SPG7: variants seen among roughly 807,000 people sequenced by gnomAD.
The protein encoded by SPG7 is SPG7 matrix AAA peptidase subunit, paraplegin.
In SPG7, 103 loss-of-function variants were observed where a neutral mutation model predicts 81.9. The ratio of observed to expected loss-of-function variants is 1.26; its 90% CI spans 1.07 to 1.48. The LOEUF is 1.48. Ranked by LOEUF, SPG7 falls within the 40% of genes most tolerant of loss-of-function variation. The pLI, the probability that SPG7 is intolerant of heterozygous loss-of-function variation, is 0.00. For missense variants in SPG7, 1,241 were observed against 1,087.3 expected (o/e 1.14, Z -1.99); for synonymous variants, 534 against 444.2 (o/e 1.20, Z -2.54).
intron 3 of SPG7, chr16:89,522,158 G>A (rs1281780326): frequency 1.3e-5 from 2 of 152,336 alleles, no homozygotes; most frequent in Admixed American, 6.5e-5. Context: ...TTAGATGCAC[G>A]ATTAGGATCG....
chr16:89,532,753 G>C (rs1439304369), intron 9 of SPG7, 117 bp downstream of exon 9: 16 of 1,262,660 alleles, frequency 1.3e-5, no homozygotes, highest in African/African-American at 1.5e-5. Context: ...CTGGGTGACA[G>C]AGTGAGACTC....
intron 3 of SPG7, 75 bp downstream of exon 3, chr16:89,513,112 G>A (rs1381169027): frequency 5.2e-6 from 8 of 1,537,504 alleles, no homozygotes; most frequent in African/African-American, 4.1e-5. Context: ...TTTTAGCAAG[G>A]TGAAACCAGT....
At chr16:89,536,877 T>C (rs748252635) in intron 9 of SPG7, 10 of 1,613,856 alleles carry the variant, frequency 6.2e-6, no homozygotes, top group Non-Finnish European at 1.7e-6. Context: ...CAATGGAGGG[T>C]CATTCGCTCT....
chr16:89,547,055 G>A, intron 11 of SPG7: 1 of 399,062 alleles, frequency 2.5e-6, no homozygotes, highest in Non-Finnish European at 4.8e-6. Flanking sequence ...AGTCATGCCG[G>A]CGTTTCCCGT....
intron 10 of SPG7, chr16:89,546,308 C>T: frequency 1.2e-5 from 4 of 338,198 alleles, no homozygotes; most frequent in South Asian, 9.3e-5. Context: ...CTGCCCACTT[C>T]AGCCTCCCAA....
At chr16:89,511,570 G>A (rs1040875324) in intron 2 of SPG7, among the ~76,000 whole-genome samples, 5 of 152,208 alleles carry the variant, frequency 3.3e-5, no homozygotes, top group Admixed American at 1.3e-4. Context: ...GTCAGCTCAC[G>A]GGTGCCTGTG....
intron 12 of SPG7, chr16:89,549,485 C>T (rs547345015): frequency 1.2e-5 from 4 of 344,706 alleles, no homozygotes; most frequent in African/African-American, 4.3e-5. Context: ...ACAGCAAGAC[C>T]CCATCTCTTA....
intron 12 of SPG7, 93 bp from the exon 13 acceptor site, chr16:89,550,399 CTG>C: frequency 1.2e-6 from 1 of 848,648 alleles, no homozygotes; most frequent in Non-Finnish European, 2.0e-6. Context: ...TCTCGAACTC[CTG>C]TCCTCAGGTC....
chr16:89,526,249 C>T lies in SPG7; in HGVS notation c.619-80C>T. 3.2e-6 allele frequency: 5 copies of T among 1,541,936 alleles called. No individual in the cohort carries two copies. In the South Asian group the frequency reaches 4.5e-5, roughly 14 times the overall value. ...CTGAGGTTGTCATTACCATGAGTTC[C>T]AGGCGGGCTCTCTGTTGACTGTAGG... On this transcript the variant is annotated intron_variant, in intron 4 of 16. Transcript: ENST00000645818.
chr16:89,554,034 G>A (rs543350067), intron 15 of SPG7, 74 bp downstream of exon 15: 7 of 1,545,192 alleles, frequency 4.5e-6, no homozygotes, highest in Admixed American at 3.4e-5. Context: ...CCACACAAGG[G>A]TCGCCCACGG....
intron 13 of SPG7, chr16:89,552,714 C>T (rs760529448): frequency 5.0e-5 from 25 of 499,026 alleles, no homozygotes; most frequent in African/African-American, 2.1e-4. Flanking sequence ...TTCTACGGGC[C>T]TTGTCTTCTT....
intron 10 of SPG7, 53 bp from the exon 11 acceptor site, chr16:89,546,605 G>A: frequency 8.2e-7 from 1 of 1,218,920 alleles, no homozygotes; most frequent in Middle Eastern, 1.9e-4. Context: ...TGCCGCACCT[G>A]TGGCAGTAAC....
chr16:89,532,195 C>T lies in SPG7; in HGVS notation c.1150+129C>T, dbSNP rs140156492. ...GGGGAGTAGAGAAGGAAAGCGAGGTCTGGGTTGGCGGAGGGGTTTTGTCTG... is the reference window on the plus strand; with the variant it reads ...GGGGAGTAGAGAAGGAAAGCGAGGTTTGGGTTGGCGGAGGGGTTTTGTCTG... On this transcript the variant is annotated intron_variant, in intron 8 of 16. Coordinates refer to ENST00000645818, the MANE Select transcript of SPG7 (RefSeq NM_003119.4). The T allele has an allele frequency of 2.9e-4, 316 of 1,101,068 alleles. No homozygotes were observed. The African/African-American group carries it at 4.4e-3, about 15-fold the overall frequency. The allele number at this position is 1,101,068 out of a possible 1,614,324, so 68.2% of individuals were successfully genotyped here.
At chr16:89,550,453 G>A (rs748963486) in intron 12 of SPG7, 41 bp from the exon 13 acceptor site, 87 of 1,446,330 alleles carry the variant, frequency 6.0e-5, no homozygotes, top group Middle Eastern at 5.3e-4. Context: ...GATTACAGGC[G>A]TGAGCCACCG....
At chr16:89,535,320 T>C (rs903619140) in intron 9 of SPG7, among the ~76,000 whole-genome samples, 6 of 152,192 alleles carry the variant, frequency 3.9e-5, no homozygotes, top group African/African-American at 1.4e-4. Flanking sequence ...CGTCTGCCTC[T>C]GGGCTGCTGT....
chr16:89,512,822 G>A (rs575363343), intron 2 of SPG7, 126 bp from the exon 3 acceptor site: 2 of 877,144 alleles, frequency 2.3e-6, no homozygotes, highest in East Asian at 2.5e-5. Flanking sequence ...TAAATCTTAT[G>A]GATATAAGTA....
intron 2 of SPG7, among the ~76,000 whole-genome samples, chr16:89,510,804 A>G (rs549842803): frequency 6.4e-4 from 97 of 152,284 alleles, no homozygotes; most frequent in Non-Finnish European, 1.2e-3. Flanking sequence ...AGCTAGGACT[A>G]CAGGCGTGTA....
At chr16:89,539,025 G>A (rs1172657104) in intron 9 of SPG7, 3 of 152,308 alleles carry the variant, frequency 2.0e-5, no homozygotes, top group Admixed American at 2.0e-4. Context: ...TGGGGGTGCA[G>A]ATCTCGAGGC....
Position 89,557,587 on chromosome 16 carries a change from C to A in SPG7, c.*494C>A. ...CAGCTCACTCATCAATGGGGCCAGT[C>A]AGGCCCAGGCACTGGGCTCCGGAGG... On this transcript the variant is annotated 3_prime_UTR_variant, in exon 17 of 17. Coordinates refer to ENST00000645818, the MANE Select transcript of SPG7 (RefSeq NM_003119.4). 1 of 190,364 alleles carries A rather than the reference C, an allele frequency of 5.3e-6. No individual in the cohort carries two copies. The highest frequency in any genetic ancestry group is 1.1e-5 in the Non-Finnish European group (1 of 89,536). 11.8% of individuals were successfully genotyped at this position (190,364 alleles called of 1,614,324 possible). A position where few individuals can be genotyped will look rare whatever the true frequency, so the allele number is the denominator to read the frequency against.
Sources: gnomAD v4.1 joint callset for allele counts (sites outside exome capture counted in the v4.1 genomes callset) on GRCh38, gnomAD v4.1.1 for gene constraint, MANE v1.5 for transcripts, NCBI Gene and HGNC (gene_info 2026-07-23, HGNC 2026-07-21) for gene names.